The following GPHN variants were observed in gnomAD, a reference collection of about 807,000 sequenced individuals.
The protein encoded by GPHN is gephyrin.
GPHN carries 17 observed loss-of-function variants against 95.5 expected under a neutral mutation model. The observed-to-expected ratio is 0.18, with a 90% CI of 0.12 to 0.27. The LOEUF is 0.27. GPHN is among the 10% of genes least tolerant of loss of function. The pLI, the probability that GPHN is intolerant of heterozygous loss-of-function variation, is 1.00. For synonymous variants in GPHN, 320 were observed against 322.5 expected (o/e 0.99, Z 0.08); for missense variants, 660 against 978.1 (o/e 0.67, Z 4.34).
chr14:67,017,439 G>A (rs888035048), intron 9 of GPHN, among the ~76,000 whole-genome samples: 3 of 152,136 alleles, frequency 2.0e-5, no homozygotes, highest in African/African-American at 4.8e-5. Context: ...CTGAGTAAAC[G>A]GGTCCCTTTT....
the GPHN span, among the ~76,000 whole-genome samples, chr14:67,395,208 G>T: frequency 6.6e-6 from 1 of 152,152 alleles, no homozygotes; most frequent in African/African-American, 2.4e-5. Flanking sequence ...TAGGAATGGG[G>T]CAGGTAGGTA....
intron 1 of GPHN, among the ~76,000 whole-genome samples, chr14:66,525,014 A>G (rs2058631496): frequency 1.3e-5 from 2 of 152,166 alleles, no homozygotes; most frequent in South Asian, 4.1e-4. Flanking sequence ...GTATATACTC[A>G]GTAATAGGAT....
At chr14:67,353,092 A>C in the GPHN span, 1 of 1,349,866 alleles carries the variant, frequency 7.4e-7, no homozygotes, top group Non-Finnish European at 1.0e-6. Context: ...TTTAAAAGAC[A>C]AAAAAAACCC....
intron 10 of GPHN, among the ~76,000 whole-genome samples, chr14:67,058,390 C>T (rs2075687306): frequency 6.6e-6 from 1 of 152,096 alleles, no homozygotes; most frequent in African/African-American, 2.4e-5. Flanking sequence ...AATGAAAACC[C>T]TTTGGGGTAG....
At chr14:66,691,420 T>C (rs2153407117) in intron 2 of GPHN, among the ~76,000 whole-genome samples, 1 of 152,154 alleles carries the variant, frequency 6.6e-6, no homozygotes, top group African/African-American at 2.4e-5. Context: ...CCTGACCCTG[T>C]GATTCACCTG....
At chr14:66,629,096 AAT>A (rs1334872226) in intron 1 of GPHN, among the ~76,000 whole-genome samples, 2 of 127,870 alleles carry the variant, frequency 1.6e-5, no homozygotes, top group East Asian at 4.0e-4. Flanking sequence ...TATATATATA[AAT>A]ATATATTTAT....
chr14:66,631,423 A>G lies in GPHN; in HGVS notation c.65-49684A>G, dbSNP rs562693810. ...TTATTATTCTTGAGTTTCCTTTATT[A>G]TTGCTGAATAACTTCAAGTAATTTT... On this transcript the variant is annotated intron_variant, in intron 1 of 22. Coordinates refer to ENST00000478722, the MANE Select transcript of GPHN (RefSeq NM_020806.5). Among the ~76,000 whole-genome samples, 3 of 152,210 alleles carry G rather than the reference A, an allele frequency of 2.0e-5. No homozygotes were observed. In the South Asian group the frequency reaches 6.2e-4, roughly 32 times the overall value.
At chr14:67,600,078 G>C in the GPHN span, 1 of 1,593,212 alleles carries the variant, frequency 6.3e-7, no homozygotes, top group Admixed American at 1.7e-5. Flanking sequence ...AGGTGACAGC[G>C]GTGAGCGAAC....
At chr14:66,670,286 G>C (rs1392897232) in intron 1 of GPHN, among the ~76,000 whole-genome samples, 1 of 152,104 alleles carries the variant, frequency 6.6e-6, no homozygotes, top group Admixed American at 6.6e-5. Flanking sequence ...TTGTGGGGTT[G>C]GTTGAAGATG....
chr14:66,841,425 A>G (rs2153508078), intron 4 of GPHN, among the ~76,000 whole-genome samples: 1 of 152,306 alleles, frequency 6.6e-6, no homozygotes, highest in Admixed American at 6.5e-5. Context: ...TTAATGGGAA[A>G]ACAAGTTAGG....
At chr14:66,925,722 A>G (rs569468102) in intron 8 of GPHN, among the ~76,000 whole-genome samples, 16 of 152,294 alleles carry the variant, frequency 1.1e-4, no homozygotes, top group East Asian at 1.9e-4. Context: ...GGAAGTGCAG[A>G]TATCTCTTCA....
chr14:67,304,823 A>AT, the GPHN span, among the ~76,000 whole-genome samples: 1 of 151,688 alleles, frequency 6.6e-6, no homozygotes, highest in Non-Finnish European at 1.5e-5. Context: ...ATGAAACTTT[A>AT]AAGTGTTGAA....
intron 2 of GPHN, among the ~76,000 whole-genome samples, chr14:66,762,965 T>C (rs1212615439): frequency 1.3e-5 from 2 of 152,206 alleles, no homozygotes; most frequent in Non-Finnish European, 1.5e-5. Context: ...TCCAAAATTA[T>C]TTTGGTCTTT....
At chr14:67,692,675 T>G in the GPHN span, 1 of 1,482,164 alleles carries the variant, frequency 6.7e-7, no homozygotes, top group Admixed American at 2.4e-5. Flanking sequence ...TCCAACATTT[T>G]TTTAAAAAAC....
At chr14:67,097,099 AC>A (rs1417421339) in intron 12 of GPHN, among the ~76,000 whole-genome samples, 4 of 152,148 alleles carry the variant, frequency 2.6e-5, no homozygotes, top group Admixed American at 2.6e-4. Context: ...TTTATTTAAC[AC>A]CTATTGTACA....
chr14:66,575,736 G>A (rs1213924536), intron 1 of GPHN, among the ~76,000 whole-genome samples: 2 of 152,132 alleles, frequency 1.3e-5, no homozygotes, highest in Non-Finnish European at 2.9e-5. Context: ...AAGTGGGCCT[G>A]CTAACTGGAT....
the GPHN span, among the ~76,000 whole-genome samples, chr14:67,554,516 G>A: frequency 5.9e-5 from 9 of 152,338 alleles, no homozygotes; most frequent in East Asian, 1.9e-4. Flanking sequence ...GACAAGGCAG[G>A]CTGGGGAAGG....
At chr14:67,000,010 T>A (rs1403334400) in intron 9 of GPHN, among the ~76,000 whole-genome samples, 1 of 151,848 alleles carries the variant, frequency 6.6e-6, no homozygotes, top group African/African-American at 2.4e-5. Flanking sequence ...TTTAGATAAT[T>A]TGACATTTAG....
chr14:67,195,026 ATTGGAGATG>A, the GPHN span, among the ~76,000 whole-genome samples: 1 of 152,202 alleles, frequency 6.6e-6, no homozygotes, highest in African/African-American at 2.4e-5. Context: ...AACTAGGATA[ATTGGAGATG>A]TTGGTGGGGT....
Sources: gnomAD v4.1 joint callset for allele counts (sites outside exome capture counted in the v4.1 genomes callset) on GRCh38, gnomAD v4.1.1 for gene constraint, MANE v1.5 for transcripts, NCBI Gene and HGNC (gene_info 2026-07-23, HGNC 2026-07-21) for gene names.